The following PCDHGB2 variants were observed in gnomAD, a reference collection of about 807,000 sequenced individuals.
PCDHGB2 encodes protocadherin gamma-B2.
A neutral mutation model predicts 59.3 loss-of-function variants in PCDHGB2; 55 were observed. The observed-to-expected ratio is 0.93, with a 90% CI of 0.75 to 1.16. PCDHGB2 has a LOEUF of 1.16. Among genes scored for constraint, PCDHGB2 ranks in the 50% most tolerant of loss-of-function variants. The pLI is 0.00. For synonymous variants in PCDHGB2, 516 were observed against 512.0 expected (o/e 1.01, Z -0.11); for missense variants, 1,228 against 1,198.5 (o/e 1.02, Z -0.36).
chr5:141,423,230 G>C (rs1223173152), intron 1 of PCDHGB2: 1 of 1,613,872 alleles, frequency 6.2e-7, no homozygotes, highest in Admixed American at 1.7e-5. Context: ...GTGGCCGACA[G>C]CATCCCCGAA....
intron 1 of PCDHGB2, chr5:141,402,972 G>C: frequency 6.2e-7 from 1 of 1,608,318 alleles, no homozygotes; most frequent in Non-Finnish European, 8.5e-7. Flanking sequence ...CCAACCAAAT[G>C]CCAGCTCCGC....
Position 141,491,713 on chromosome 5 carries a change from G to T in PCDHGB2, c.2422-3094G>T. The T allele has an allele frequency of 6.2e-7, 1 of 1,609,174 alleles. No individual in the cohort carries two copies. The highest frequency in any genetic ancestry group is 8.5e-7 in the Non-Finnish European group (1 of 1,178,054). On this transcript the variant is annotated intron_variant, in intron 1 of 3. Transcript: ENST00000522605. The surrounding 1 kb of genome is among the most constrained non-coding windows in gnomAD (Gnocchi z 6.9). ...GGAGCGGAGCCAGGTGAGGGGCTCG[G>T]CGCCGCCCCGGGCGACCCCTGGGGG...
intron 1 of PCDHGB2, chr5:141,390,051 A>C: frequency 6.2e-7 from 1 of 1,613,978 alleles, no homozygotes; most frequent in Non-Finnish European, 8.5e-7. Context: ...CGCCTCCTGG[A>C]GCTGCTTCCA....
intron 1 of PCDHGB2, chr5:141,365,114 C>T (rs1763745605): frequency 6.2e-7 from 1 of 1,613,902 alleles, no homozygotes; most frequent in African/African-American, 1.3e-5. Flanking sequence ...CACTCGGCTG[C>T]TCATGCTAAC....
rs148331367 is a variant in PCDHGB2 at position 141,435,055 on chromosome 5, A to C, written c.2422-59752A>C. ...TTTATTTTTTTCCCATTGACCATGC[A>C]GCAGTTTTGTGTAGACCGTCTGATA... On this transcript the variant is annotated intron_variant, in intron 1 of 3. Transcript: ENST00000522605. Among the ~76,000 whole-genome samples, 21 of 152,242 alleles carry C rather than the reference A, an allele frequency of 1.4e-4. No individual in the cohort carries two copies. The East Asian group carries it at 4.0e-3, about 29-fold the overall frequency.
intron 1 of PCDHGB2, among the ~76,000 whole-genome samples, chr5:141,382,367 C>A (rs778668401): frequency 2.6e-5 from 4 of 151,894 alleles, no homozygotes; most frequent in Non-Finnish European, 5.9e-5. Context: ...TAAAATTTAC[C>A]TTTTTGCCTT....
intron 1 of PCDHGB2, chr5:141,468,586 G>C (rs1232477889): frequency 1.3e-5 from 2 of 152,176 alleles, no homozygotes; most frequent in East Asian, 1.9e-4. Context: ...GGTACTAAAG[G>C]CTGGGCGCGG....
At chr5:141,399,708 A>C (rs769072460) in intron 1 of PCDHGB2, 50 of 1,613,374 alleles carry the variant, frequency 3.1e-5, no homozygotes, top group Non-Finnish European at 4.2e-5. Context: ...TCGAACTCAC[A>C]CTACAGGCCC....
chr5:141,467,376 A>G (rs1391386659), intron 1 of PCDHGB2, among the ~76,000 whole-genome samples: 2 of 151,990 alleles, frequency 1.3e-5, no homozygotes. Flanking sequence ...CTTATATTGC[A>G]TTTAGGTTTT....
rs1394484191 is a variant in PCDHGB2 at position 141,486,006 on chromosome 5, C to T, written c.2422-8801C>T. The T allele has an allele frequency of 6.2e-7, 1 of 1,614,190 alleles. No individual in the cohort carries two copies. Among genetic ancestry groups the T allele is most frequent in the Non-Finnish European group, 8.5e-7 (1 of 1,180,026 alleles). Reference sequence around the variant, plus strand: ...GACCTGGGTCCCAGTGGTAACGTCACCTTTTATTTCAGTGGTCATACCCCT... The same window carrying T: ...GACCTGGGTCCCAGTGGTAACGTCATCTTTTATTTCAGTGGTCATACCCCT... On this transcript the variant is annotated intron_variant, in intron 1 of 3. Coordinates refer to ENST00000522605, the MANE Select transcript of PCDHGB2 (RefSeq NM_018923.3). This position sits in a 1 kb window ranked among gnomAD's most constrained non-coding sequence, Gnocchi z 5.0.
At chr5:141,448,948 A>AAAAC (rs1237948751) in intron 1 of PCDHGB2, among the ~76,000 whole-genome samples, 2 of 152,170 alleles carry the variant, frequency 1.3e-5, no homozygotes, top group African/African-American at 2.4e-5. Flanking sequence ...GCAACTCAAA[A>AAAAC]AAACAAACAA....
chr5:141,483,121 T>C (rs922863446), intron 1 of PCDHGB2, among the ~76,000 whole-genome samples: 1 of 152,052 alleles, frequency 6.6e-6, no homozygotes, highest in Admixed American at 6.6e-5. Flanking sequence ...ACAGTCTTTG[T>C]AGGAGATGAG....
rs922804811 is a variant in PCDHGB2 at position 141,432,794 on chromosome 5, G to A, written c.2422-62013G>A. On this transcript the variant is annotated intron_variant, in intron 1 of 3. Coordinates refer to ENST00000522605, the MANE Select transcript of PCDHGB2 (RefSeq NM_018923.3). This position sits in a 1 kb window ranked among gnomAD's most constrained non-coding sequence, Gnocchi z 6.0. ...AGTCCTGGCGGACCTCGGCAGCCTC[G>A]AGTCTCCAGCTAACTCTGAAACCTC... The A allele has an allele frequency of 3.7e-6, 6 of 1,614,138 alleles. No homozygotes were observed. Among genetic ancestry groups the A allele is most frequent in the Non-Finnish European group, 5.1e-6 (6 of 1,180,000 alleles).
intron 1 of PCDHGB2, chr5:141,376,316 G>C: frequency 6.2e-7 from 1 of 1,614,224 alleles, no homozygotes; most frequent in South Asian, 1.1e-5. Flanking sequence ...GGGCGTGGAA[G>C]GGGTTCGGGC....
In PCDHGB2 at chr5:141,505,435, G is replaced by A. The variant is rs1274195652; in HGVS notation, c.2523G>A (p.Gln841=). The change falls in exon 3 of 4, where the codon CAG becomes CAA. Residue 841 remains glutamine, a synonymous_variant. Transcript: ENST00000522605. ...GDDTGTWPNN[Q]FDTEMLQAMI... is the part of the protein sequence containing the mutation. ...ACACCGGCACCTGGCCCAACAACCA[G>A]TTTGACACAGAGATGCTGCAAGCCA... 1 of 1,614,096 alleles carries A rather than the reference G, an allele frequency of 6.2e-7. No homozygotes were observed. Among genetic ancestry groups the A allele is most frequent in the African/African-American group, 1.3e-5 (1 of 74,936 alleles).
chr5:141,483,750 A>G (rs1453478545), intron 1 of PCDHGB2, among the ~76,000 whole-genome samples: 1 of 152,138 alleles, frequency 6.6e-6, no homozygotes, highest in African/African-American at 2.4e-5. Flanking sequence ...ATTCCTGAGG[A>G]TCGAGGCTTG....
intron 1 of PCDHGB2, among the ~76,000 whole-genome samples, chr5:141,454,750 T>C (rs992030704): frequency 1.3e-5 from 2 of 150,108 alleles, no homozygotes; most frequent in Admixed American, 6.7e-5. Flanking sequence ...GAGGCCAAAC[T>C]AATCTTGACA....
intron 1 of PCDHGB2, chr5:141,421,189 C>T: frequency 1.4e-6 from 2 of 1,477,674 alleles, no homozygotes; most frequent in South Asian, 2.7e-5. Flanking sequence ...CACAACCAAC[C>T]AGCTCGAGAA....
At chr5:141,410,480 G>A in intron 1 of PCDHGB2, 1 of 1,613,966 alleles carries the variant, frequency 6.2e-7, no homozygotes, top group Non-Finnish European at 8.5e-7. Context: ...TGCACATACG[G>A]GTACAAAAGA....
Sources: allele counts gnomAD v4.1 joint callset (sites outside exome capture counted in the v4.1 genomes callset), GRCh38; gene constraint gnomAD v4.1.1; non-coding constraint Gnocchi (gnomAD v3.1); transcripts MANE v1.5; gene names NCBI Gene and HGNC (gene_info 2026-07-23, HGNC 2026-07-21).